Variants in MYOCD observed in about 807,000 individuals in gnomAD.
MYOCD encodes the protein myocardin.
In MYOCD, 32 loss-of-function variants were observed where a neutral mutation model predicts 96.1. The observed-to-expected ratio is 0.33, with a 90% CI of 0.25 to 0.45. MYOCD has a LOEUF of 0.45. MYOCD is among the 20% of genes least tolerant of loss of function. MYOCD has a pLI of 1.00. For synonymous variants in MYOCD, 469 were observed against 469.0 expected (o/e 1.00, Z 0.00); for missense variants, 1,133 against 1,200.6 (o/e 0.94, Z 0.83).
chr17:12,714,323 G>GCACACACACACA (rs4054959), intron 2 of MYOCD, among the ~76,000 whole-genome samples: 11,482 of 135,930 alleles, frequency 0.084, 531 homozygotes, highest in East Asian at 0.13. Context: ...TGAGGCACGT[G>GCACACACACACA]CACACACACA....
At chr17:12,682,216 C>T (rs76441872) in intron 1 of MYOCD, among the ~76,000 whole-genome samples, 17,145 of 152,188 alleles carry the variant, frequency 0.11, 1,076 homozygotes, top group Admixed American at 0.14. Flanking sequence ...TGGTGGGGAA[C>T]GGTGGCTTTG....
At chr17:12,762,804 G>C (rs1416474306) in intron 13 of MYOCD, 1 of 405,832 alleles carries the variant, frequency 2.5e-6, no homozygotes, top group Non-Finnish European at 4.4e-6. Flanking sequence ...TGTCCTCAAG[G>C]GACTACCAGG....
At chr17:12,689,000 CACACAA>C (rs1268471688) in intron 1 of MYOCD, among the ~76,000 whole-genome samples, 1 of 152,202 alleles carries the variant, frequency 6.6e-6, no homozygotes, top group African/African-American at 2.4e-5. Flanking sequence ...CATGTGCACA[CACACAA>C]ACACGTTGTT....
At chr17:12,730,335 C>T (rs1359968495) in intron 5 of MYOCD, among the ~76,000 whole-genome samples, 2 of 150,092 alleles carry the variant, frequency 1.3e-5, no homozygotes, top group South Asian at 4.2e-4. Context: ...GTAATCCCAG[C>T]TACTTGGGAG....
chr17:12,702,357 A>T lies in MYOCD; in HGVS notation c.56-2771A>T, dbSNP rs972326935. 5.9e-5 allele frequency among the ~76,000 whole-genome samples: 9 copies of T among 152,048 alleles called. 1 individual carries two copies. The South Asian group carries it at 1.9e-3, about 32-fold the overall frequency. ...TATTTTATGTGATATTAATATAGTTATTTCAGCTTTCTTATGCTTGCTGTC... is the reference window on the plus strand; with the variant it reads ...TATTTTATGTGATATTAATATAGTTTTTTCAGCTTTCTTATGCTTGCTGTC... On this transcript the variant is annotated intron_variant, in intron 1 of 13. Transcript: ENST00000425538.
chr17:12,676,243 ACG>A (rs948975993), intron 1 of MYOCD, among the ~76,000 whole-genome samples: 6 of 70,206 alleles, frequency 8.5e-5, no homozygotes, highest in African/African-American at 2.6e-4. Flanking sequence ...CTGCGCGCGC[ACG>A]CACACACACA....
At chr17:12,760,777 G>A (rs2033147739) in intron 13 of MYOCD, 70 bp downstream of exon 13, 3 of 1,283,520 alleles carry the variant, frequency 2.3e-6, no homozygotes, top group Non-Finnish European at 3.4e-6. Context: ...TGAACTCTCG[G>A]TACCAAGATC....
intron 10 of MYOCD, among the ~76,000 whole-genome samples, chr17:12,755,184 C>T (rs745897145): frequency 6.6e-6 from 1 of 152,132 alleles, no homozygotes; most frequent in Non-Finnish European, 1.5e-5. Flanking sequence ...TCCTGGGAAA[C>T]AAAGGTAAAA....
chr17:12,725,143 A>G (rs1744362866), intron 5 of MYOCD, among the ~76,000 whole-genome samples: 3 of 151,958 alleles, frequency 2.0e-5, no homozygotes, highest in Admixed American at 2.0e-4. Flanking sequence ...ATAACTGGGC[A>G]GTGTCAAAGA....
At chr17:12,736,512 G>A (rs2032350652) in intron 6 of MYOCD, among the ~76,000 whole-genome samples, 176 bp downstream of exon 6, 1 of 152,174 alleles carries the variant, frequency 6.6e-6, no homozygotes, top group Admixed American at 6.5e-5. Flanking sequence ...GCCTCTGTGT[G>A]GGGTGACAAA....
chr17:12,700,595 T>C lies in MYOCD; in HGVS notation c.56-4533T>C, dbSNP rs564044075. ...CACCCAGCTAATTTTTTTGTATTTTTAGTAGAGACGGGGTTTCACCATTTT... is the reference window on the plus strand; with the variant it reads ...CACCCAGCTAATTTTTTTGTATTTTCAGTAGAGACGGGGTTTCACCATTTT... On this transcript the variant is annotated intron_variant, in intron 1 of 13. Coordinates refer to ENST00000425538, the MANE Select transcript of MYOCD (RefSeq NM_001146312.3). Among the ~76,000 whole-genome samples, 62 of 150,854 alleles carry C rather than the reference T, an allele frequency of 4.1e-4. No homozygotes were observed. In the East Asian group the frequency reaches 9.4e-3, roughly 23 times the overall value.
At position 12,766,300 on chromosome 17, in the gene MYOCD, C is replaced by T. The variant is rs910627160; in HGVS notation, c.*2656C>T. The T allele has an allele frequency of 5.9e-5, 9 of 152,266 alleles. No individual in the cohort carries two copies. Among genetic ancestry groups the T allele is most frequent in the African/African-American group, 2.2e-4 (9 of 41,546 alleles). 9.4% of individuals were successfully genotyped at this position (152,266 alleles called of 1,614,324 possible). On this transcript the variant is annotated 3_prime_UTR_variant, in exon 14 of 14. Coordinates refer to ENST00000425538, the MANE Select transcript of MYOCD (RefSeq NM_001146312.3). ...TAGTTAGGAGGCCTCTGTACTTCTC[C>T]AGATTGTACCTTTTTATGGGGATCT...
rs371520981 is a variant in MYOCD at position 12,681,229 on chromosome 17, G to A, written c.55+14986G>A. Among the ~76,000 whole-genome samples the A allele has an allele frequency of 2.4e-4, 36 of 152,270 alleles. No homozygotes were observed. The East Asian group carries it at 4.3e-3, about 18-fold the overall frequency. ...TCTGACTTTGCCACCCCATCCTCCC[G>A]GTGAGCATGTGAATTGTGGATTCTG... On this transcript the variant is annotated intron_variant, in intron 1 of 13. Transcript: ENST00000425538.
chr17:12,758,220 A>G lies in MYOCD; in HGVS notation c.2331+7A>G. On this transcript the variant is annotated splice_region_variant and intron_variant, in intron 12 of 13. Coordinates refer to ENST00000425538, the MANE Select transcript of MYOCD (RefSeq NM_001146312.3). ...TGAAGATGCCGTAAAGCAGGTAACC[A>G]TGTGATTTGTTCTTTATGGAAGAAT... 6.2e-7 allele frequency: 1 copy of G among 1,614,124 alleles called. No individual in the cohort carries two copies. Among genetic ancestry groups the G allele is most frequent in the Non-Finnish European group, 8.5e-7 (1 of 1,179,960 alleles).
intron 1 of MYOCD, among the ~76,000 whole-genome samples, chr17:12,674,481 G>GA (rs773002484): frequency 6.6e-6 from 1 of 151,030 alleles, no homozygotes; most frequent in Non-Finnish European, 1.5e-5. Context: ...GTTTATTTGA[G>GA]AAAAAAAAAT....
intron 7 of MYOCD, among the ~76,000 whole-genome samples, chr17:12,740,775 G>T (rs2032482517): frequency 6.6e-6 from 1 of 151,386 alleles, no homozygotes; most frequent in East Asian, 1.9e-4. Flanking sequence ...TTTCACTCTT[G>T]TTGCCCAGGC....
chr17:12,682,841 T>C (rs1910558372), intron 1 of MYOCD, among the ~76,000 whole-genome samples: 1 of 152,226 alleles, frequency 6.6e-6, no homozygotes, highest in Admixed American at 6.5e-5. Context: ...CTTTACCTGG[T>C]TGTGCTGATA....
At chr17:12,746,166 G>C in intron 9 of MYOCD, 94 bp downstream of exon 9, 1 of 1,341,120 alleles carries the variant, frequency 7.5e-7, no homozygotes, top group Non-Finnish European at 1.0e-6. Flanking sequence ...TGGAGTAAGA[G>C]AGTGGGAGGG....
Position 12,696,220 on chromosome 17 carries a change from C to T in MYOCD, c.56-8908C>T, listed in dbSNP as rs539533077. Reference sequence around the variant, plus strand: ...GTCTTAATCTCTTGACCTCGTGGTCCGCCCGCCTCGACCTCCCAAAGTGCT... The same window carrying T: ...GTCTTAATCTCTTGACCTCGTGGTCTGCCCGCCTCGACCTCCCAAAGTGCT... On this transcript the variant is annotated intron_variant, in intron 1 of 13. Coordinates refer to ENST00000425538, the MANE Select transcript of MYOCD (RefSeq NM_001146312.3). 3.3e-4 allele frequency among the ~76,000 whole-genome samples: 50 copies of T among 151,994 alleles called. No homozygotes were observed. In the East Asian group the frequency reaches 8.0e-3, roughly 24 times the overall value.
Sources: gnomAD v4.1 joint callset for allele counts (sites outside exome capture counted in the v4.1 genomes callset) on GRCh38, gnomAD v4.1.1 for gene constraint, MANE v1.5 for transcripts, NCBI Gene and HGNC (gene_info 2026-07-23, HGNC 2026-07-21) for gene names.